GPATCH8: variants seen among roughly 807,000 people sequenced by gnomAD.
GPATCH8 encodes G patch domain-containing protein 8.
A neutral mutation model predicts 118.3 loss-of-function variants in GPATCH8; 18 were observed. That is an observed-to-expected ratio of 0.15 (90% CI 0.11 to 0.23). The LOEUF (loss-of-function observed/expected upper bound fraction) is 0.23, where lower values mean the gene tolerates loss of function less well. Among genes scored for constraint, GPATCH8 ranks in the 10% least tolerant of loss-of-function variants. GPATCH8 has a pLI of 1.00. For synonymous variants in GPATCH8, 659 were observed against 684.7 expected (o/e 0.96, Z 0.59); for missense variants, 1,631 against 1,873.8 (o/e 0.87, Z 2.39).
chr17:44,401,064 C>T lies in GPATCH8; in HGVS notation c.1013G>A (p.Ser338Asn), dbSNP rs1296220166. Residue 338 changes from serine to asparagine, a missense_variant, in exon 8 of 8, where the codon AGT becomes AAT. Physicochemically the swap from Ser to Asn is conservative, Grantham distance 46. This residue lies in a region of GPATCH8 where 405 missense variants were observed against 462.7 expected (regional missense o/e 0.88). Coordinates refer to ENST00000591680, the MANE Select transcript of GPATCH8 (RefSeq NM_001002909.4). ...SEDGTKPDEK[S>N]SDQGLQKVGD... ...TACCTTCTGCAGTCCTTGGTCAGAA[C>T]TCTTCTCATCGGGTTTTGTTCCATC... 6.2e-7 allele frequency: 1 copy of T among 1,614,178 alleles called. No individual in the cohort carries two copies. The highest frequency in any genetic ancestry group is 8.5e-7 in the Non-Finnish European group (1 of 1,180,016).
chr17:44,422,743 G>A (rs550167704), intron 6 of GPATCH8, among the ~76,000 whole-genome samples: 1 of 151,800 alleles, frequency 6.6e-6, no homozygotes, highest in South Asian at 2.1e-4. Flanking sequence ...CTCCCAAAGT[G>A]CTGGGATTAC....
chr17:44,437,470 C>A (rs1267481383), intron 3 of GPATCH8, among the ~76,000 whole-genome samples: 2 of 152,008 alleles, frequency 1.3e-5, no homozygotes, highest in Non-Finnish European at 2.9e-5. Context: ...CCGTTGTACA[C>A]CTTTAGTGAA....
intron 1 of GPATCH8, among the ~76,000 whole-genome samples, chr17:44,491,630 T>G (rs1384778604): frequency 6.6e-6 from 1 of 152,022 alleles, no homozygotes; most frequent in South Asian, 2.1e-4. Context: ...GGAAGATCAC[T>G]AGAGGCAAGG....
intron 3 of GPATCH8, 146 bp downstream of exon 3, chr17:44,464,326 A>G: frequency 1.4e-6 from 1 of 738,200 alleles, no homozygotes. Context: ...AAATACAGTT[A>G]TAGGACAAAC....
chr17:44,459,288 T>C (rs1025372271), intron 3 of GPATCH8, among the ~76,000 whole-genome samples: 1 of 152,216 alleles, frequency 6.6e-6, no homozygotes, highest in African/African-American at 2.4e-5. Flanking sequence ...ATGGATTATC[T>C]CTAATTCAGT....
chr17:44,432,740 G>A (rs926163680), intron 5 of GPATCH8, among the ~76,000 whole-genome samples: 10 of 152,122 alleles, frequency 6.6e-5, no homozygotes, highest in Non-Finnish European at 1.2e-4. Flanking sequence ...GAGAATAAAG[G>A]AGTGACAGCA....
intron 3 of GPATCH8, among the ~76,000 whole-genome samples, chr17:44,448,320 G>A (rs1011509959): frequency 2.0e-5 from 3 of 152,008 alleles, no homozygotes; most frequent in Non-Finnish European, 2.9e-5. Context: ...CACTTTGGGA[G>A]GCTGAGGCAG....
chr17:44,464,892 T>C (rs545815833), intron 2 of GPATCH8: 1 of 292,574 alleles, frequency 3.4e-6, no homozygotes, highest in East Asian at 8.9e-5. Context: ...ATCAAGGTAC[T>C]TATACAGTCA....
At position 44,424,452 on chromosome 17, in the gene GPATCH8, T is replaced by C. The variant is rs1344152468; in HGVS notation, c.389A>G (p.Glu130Gly). Reference sequence around the variant, plus strand: ...ACAATAAAAGTTGGCTCTGAGGTCTTCCAAGGCTTTGGCAATTGCCTTCTC... The same window carrying C: ...ACAATAAAAGTTGGCTCTGAGGTCTCCCAAGGCTTTGGCAATTGCCTTCTC... Reference protein sequence around the residue: ...DKEKAIAKALEDLRANFYCEL... With the variant: ...DKEKAIAKALGDLRANFYCEL... The change falls in exon 6 of 8, where the codon GAA (glutamate) becomes GGA (glycine). Residue 130 changes from glutamate to glycine, a missense_variant. Glu to Gly is a moderately conservative substitution (Grantham distance 98). Around this residue, in one of 8 missense-constraint regions of GPATCH8, gnomAD observed 81 missense variants for 227.6 expected, o/e 0.36. Transcript: ENST00000591680. 1 of 1,606,816 alleles carries C rather than the reference T, an allele frequency of 6.2e-7. No individual in the cohort carries two copies. Among genetic ancestry groups the C allele is most frequent in the African/African-American group, 1.3e-5 (1 of 74,816 alleles).
At chr17:44,503,299 CG>C in intron 1 of GPATCH8, 26 bp downstream of exon 1, 1 of 1,597,306 alleles carries the variant, frequency 6.3e-7, no homozygotes, top group Non-Finnish European at 8.5e-7. Flanking sequence ...GCGCCTTCCC[CG>C]CATCCTCGGC....
intron 3 of GPATCH8, among the ~76,000 whole-genome samples, chr17:44,451,098 T>G (rs1475478412): frequency 6.6e-6 from 1 of 152,266 alleles, no homozygotes; most frequent in East Asian, 1.9e-4. Flanking sequence ...AAAGACTTAG[T>G]ACAGATCTGG....
intron 3 of GPATCH8, among the ~76,000 whole-genome samples, chr17:44,448,499 A>AG (rs1179790037): frequency 9.1e-6 from 1 of 109,470 alleles, no homozygotes; most frequent in Non-Finnish European, 1.8e-5. Context: ...CAAAAAAAAA[A>AG]AAAAGGGGGG....
At position 44,435,226 on chromosome 17, in the gene GPATCH8, C is replaced by A. The variant is rs540337680; in HGVS notation, c.262-75G>T. 33 of 775,636 alleles carry A rather than the reference C, an allele frequency of 4.3e-5. No individual in the cohort carries two copies. The East Asian group carries it at 7.1e-4, about 17-fold the overall frequency. 48.0% of individuals were successfully genotyped at this position (775,636 alleles called of 1,614,324 possible). ...ATTAGCTATGAAAAAGTTATTTGCA[C>A]AACTACAGTATTATCTGAAAACAAA... is the stretch of plus-strand genomic sequence containing the variant. On this transcript the variant is annotated intron_variant, in intron 4 of 7. Coordinates refer to ENST00000591680, the MANE Select transcript of GPATCH8 (RefSeq NM_001002909.4).
At chr17:44,493,054 G>GTTTTTTTTTTTTT (rs398039127) in intron 1 of GPATCH8, among the ~76,000 whole-genome samples, 5 of 124,406 alleles carry the variant, frequency 4.0e-5, no homozygotes, top group East Asian at 4.6e-4. Context: ...AAGCCATTAG[G>GTTTTTTTTTTTTT]TTTTTTTTTT....
chr17:44,481,215 C>T lies in GPATCH8; in HGVS notation c.46-6312G>A, dbSNP rs185529116. Among the ~76,000 whole-genome samples, 85 of 152,232 alleles carry T rather than the reference C, an allele frequency of 5.6e-4. 1 individual carries two copies. Among genetic ancestry groups the T allele is most frequent in the Non-Finnish European group, 1.0e-3 (68 of 68,008 alleles). ...AGCCCTCCTCTGATAAAATTTCAGA[C>T]GAGCAACTTTCATAGATTACTGATG... On this transcript the variant is annotated intron_variant, in intron 1 of 7. Coordinates refer to ENST00000591680, the MANE Select transcript of GPATCH8 (RefSeq NM_001002909.4).
rs868781504 is a variant in GPATCH8 at position 44,440,828 on chromosome 17, A to G, written c.194-4283T>C. 2.0e-5 allele frequency among the ~76,000 whole-genome samples: 3 copies of G among 152,138 alleles called. No individual in the cohort carries two copies. In the South Asian group the frequency reaches 6.2e-4, roughly 32 times the overall value. On this transcript the variant is annotated intron_variant, in intron 3 of 7. Coordinates refer to ENST00000591680, the MANE Select transcript of GPATCH8 (RefSeq NM_001002909.4). ...TCCTAAAGACTTAAACTACAGAGAA[A>G]GAACTCTTTTGTTGTTTTTTGGGAA...
At position 44,489,350 on chromosome 17, in the gene GPATCH8, G is replaced by GT. The variant is rs1258506322; in HGVS notation, c.45+13975dup. Among the ~76,000 whole-genome samples, 326 of 140,308 alleles carry GT rather than the reference G, an allele frequency of 2.3e-3. 1 individual carries two copies. Among genetic ancestry groups the GT allele is most frequent in the Middle Eastern group, 7.4e-3 (2 of 270 alleles). The allele number at this position is 140,308 out of a possible 152,430, so 92.0% of individuals were successfully genotyped here. On this transcript the variant is annotated intron_variant, in intron 1 of 7. Transcript: ENST00000591680. ...CTTTTGTCCCCACCCCCTCTTTTTT[G>GT]TTTTTTTTTTTTGAGATGGAGTCTC...
rs771642005 is a variant in GPATCH8 at position 44,398,573 on chromosome 17, C to A, written c.3504G>T (p.Arg1168Ser). ...TCTCTGACTGTTCTTGCTCTTCCCC[C>A]CTTTCCAAGCCAGACTCTTCACACT... The part of the protein sequence containing the change: ...NKKCEESGLE[R>S]GEEQEQSETE... Residue 1168 changes from arginine to serine, a missense_variant, in exon 8 of 8, where the codon AGG (arginine) becomes AGT (serine). Around this residue, in one of 8 missense-constraint regions of GPATCH8, gnomAD observed 922 missense variants for 879.7 expected, o/e 1.05. Coordinates refer to ENST00000591680, the MANE Select transcript of GPATCH8 (RefSeq NM_001002909.4). 4.5e-6 allele frequency: 7 copies of A among 1,565,346 alleles called. No homozygotes were observed. The highest frequency in any genetic ancestry group is 6.0e-6 in the Non-Finnish European group (7 of 1,160,734).
chr17:44,406,185 T>C, intron 6 of GPATCH8, 134 bp from the exon 7 acceptor site: 1 of 707,406 alleles, frequency 1.4e-6, no homozygotes, highest in South Asian at 1.5e-5. Flanking sequence ...CATATTCTCT[T>C]ATGGCAATTG....
Sources: allele counts gnomAD v4.1 joint callset (sites outside exome capture counted in the v4.1 genomes callset), GRCh38; gene constraint gnomAD v4.1.1; regional missense constraint gnomAD v4.1.1; transcripts MANE v1.5; gene names NCBI Gene and HGNC (gene_info 2026-07-23, HGNC 2026-07-21).